CCDC77: variants seen among roughly 807,000 people sequenced by gnomAD.
The protein encoded by CCDC77 is coiled-coil domain-containing protein 77.
In CCDC77, 56 loss-of-function variants were observed where a neutral mutation model predicts 66.8. That is an observed-to-expected ratio of 0.84 (90% CI 0.68 to 1.05). The LOEUF is 1.05. Ranked by LOEUF, CCDC77 falls within the 50% of genes least tolerant of loss-of-function variation. CCDC77 has a pLI of 0.00. For synonymous variants in CCDC77, 196 were observed against 195.2 expected, an observed-to-expected ratio of 1.00 and a Z score of -0.03; for missense variants, 570 against 576.8, an observed-to-expected ratio of 0.99 and a Z score of 0.12.
At position 428,510 on chromosome 12, in the gene CCDC77, C is replaced by CAAAAAAAAAAAAAA. The variant is rs59414510; in HGVS notation, c.414-246_414-233dup. On this transcript the variant is annotated intron_variant, in intron 5 of 12. Coordinates refer to ENST00000239830, the MANE Select transcript of CCDC77 (RefSeq NM_032358.4). ...TGGACAACAGAGCGAGACTCTGTCT[C>CAAAAAAAAAAAAAA]AAAAAAAAAAAAAAAAAAAAAAAAA... Among the ~76,000 whole-genome samples, 19 of 57,882 alleles carry CAAAAAAAAAAAAAA rather than the reference C, an allele frequency of 3.3e-4. 1 individual carries two copies. The highest frequency in any genetic ancestry group is 1.2e-3 in the African/African-American group (17 of 13,736). The allele number at this position is 57,882 out of a possible 152,430, so 38.0% of individuals were successfully genotyped here. A position where few individuals can be genotyped will look rare whatever the true frequency, so the allele number is the denominator to read the frequency against.
At chr12:430,164 T>C (rs1244047709) in intron 6 of CCDC77, among the ~76,000 whole-genome samples, 1 of 152,020 alleles carries the variant, frequency 6.6e-6, no homozygotes, top group Non-Finnish European at 1.5e-5. Flanking sequence ...TGGCTAATTT[T>C]GTATTTTTTA....
At chr12:396,606 G>A (rs1413785286) in intron 1 of CCDC77, among the ~76,000 whole-genome samples, 1 of 152,078 alleles carries the variant, frequency 6.6e-6, no homozygotes, top group Non-Finnish European at 1.5e-5. Flanking sequence ...ACTGAGCAAG[G>A]GACAACTGTA....
At chr12:395,078 TTTG>T (rs1257997169) in intron 1 of CCDC77, 1 of 152,028 alleles carries the variant, frequency 6.6e-6, no homozygotes, top group Non-Finnish European at 1.5e-5. Flanking sequence ...ACATTTGTTT[TTTG>T]TTCTTAGTTT....
At chr12:391,409 C>A (rs779456760) in intron 1 of CCDC77, among the ~76,000 whole-genome samples, 1 of 151,760 alleles carries the variant, frequency 6.6e-6, no homozygotes, top group Non-Finnish European at 1.5e-5. Context: ...AAGCCGAGAT[C>A]GTGCCACTGT....
chr12:398,952 A>G (rs545934332), upstream of CCDC77, among the ~76,000 whole-genome samples: 8 of 151,510 alleles, frequency 5.3e-5, no homozygotes, highest in East Asian at 2.0e-4. Flanking sequence ...AAGGTTTTCT[A>G]TGTTGCCCAG....
chr12:441,741 ATTTC>A (rs1210635374), intron 12 of CCDC77, 29 bp from the exon 13 acceptor site: 1 of 1,517,422 alleles, frequency 6.6e-7, no homozygotes, highest in East Asian at 2.3e-5. Flanking sequence ...TGCCATCATC[ATTTC>A]TTTTTTTTTT....
intron 1 of CCDC77, among the ~76,000 whole-genome samples, chr12:392,982 G>T (rs1276507932): frequency 6.7e-6 from 1 of 149,248 alleles, no homozygotes; most frequent in Non-Finnish European, 1.5e-5. Flanking sequence ...TTAACATTTG[G>T]CTTAGCAGGA....
At position 441,881 on chromosome 12, in the gene CCDC77, G is replaced by T; in HGVS notation, c.1428G>T (p.Ser476=). 6.2e-7 allele frequency: 1 copy of T among 1,613,852 alleles called. No individual in the cohort carries two copies. The highest frequency in any genetic ancestry group is 1.7e-5 in the Admixed American group (1 of 59,978). Reference sequence around the variant, plus strand: ...AAGGAGAACTGAAGAATCTTAAGTCGAAAGTGTTTGGTCTGGAGAATGAAC... The same window carrying T: ...AAGGAGAACTGAAGAATCTTAAGTCTAAAGTGTTTGGTCTGGAGAATGAAC... ...KIQGELKNLK[S]KVFGLENELR... The change falls in exon 13 of 13, where the codon TCG becomes TCT. Residue 476 remains serine, a synonymous_variant. Coordinates refer to ENST00000239830, the MANE Select transcript of CCDC77 (RefSeq NM_032358.4).
intron 9 of CCDC77, 176 bp downstream of exon 9, chr12:433,498 G>A: frequency 7.2e-7 from 1 of 1,394,790 alleles, no homozygotes; most frequent in Non-Finnish European, 9.3e-7. Flanking sequence ...TTCCAGGCGT[G>A]CTGTTGAAGA....
chr12:426,365 A>T (rs1945532619), intron 5 of CCDC77, among the ~76,000 whole-genome samples: 1 of 152,194 alleles, frequency 6.6e-6, no homozygotes, highest in Non-Finnish European at 1.5e-5. Flanking sequence ...AAGGTGCTAC[A>T]TCTGGCACAA....
At chr12:395,401 T>G (rs1177398765) in intron 1 of CCDC77, among the ~76,000 whole-genome samples, 1 of 152,174 alleles carries the variant, frequency 6.6e-6, no homozygotes, top group Non-Finnish European at 1.5e-5. Flanking sequence ...ATTGGTGACA[T>G]TTGAATAGAG....
At chr12:406,835 C>T (rs763395647) in intron 2 of CCDC77, among the ~76,000 whole-genome samples, 5 of 152,160 alleles carry the variant, frequency 3.3e-5, no homozygotes, top group Non-Finnish European at 7.3e-5. Flanking sequence ...TCTTCCCAGC[C>T]ACTCGGGAGG....
intron 9 of CCDC77, among the ~76,000 whole-genome samples, chr12:435,650 T>C (rs1329260168): frequency 6.6e-6 from 1 of 152,248 alleles, no homozygotes; most frequent in Non-Finnish European, 1.5e-5. Context: ...TCCATACTTA[T>C]GCAGGCTATG....
intron 5 of CCDC77, among the ~76,000 whole-genome samples, chr12:428,510 CAAAAAAAAAAAA>C (rs59414510): frequency 1.4e-4 from 8 of 57,884 alleles, no homozygotes; most frequent in South Asian, 9.8e-4. Flanking sequence ...GACTCTGTCT[CAAAAAAAAAAAA>C]AAAAAAAAAA....
intron 5 of CCDC77, among the ~76,000 whole-genome samples, chr12:423,494 G>GTTTTTTT (rs56233976): frequency 3.4e-4 from 12 of 35,420 alleles, no homozygotes; most frequent in South Asian, 1.4e-3. Context: ...TTTTTGTTTT[G>GTTTTTTT]TTTTTTTTTT....
chr12:409,376 A>C lies in CCDC77; in HGVS notation c.-8A>C. 6.2e-7 allele frequency: 1 copy of C among 1,612,588 alleles called. No homozygotes were observed. The highest frequency in any genetic ancestry group is 8.5e-7 in the Non-Finnish European group (1 of 1,179,284). ...TTTTGTGTATTTGATAGGTGTGAAA[A>C]AGACAGCATGAACTTTACCCCAACA... On this transcript the variant is annotated 5_prime_UTR_variant, in exon 3 of 13. Coordinates refer to ENST00000239830, the MANE Select transcript of CCDC77 (RefSeq NM_032358.4).
intron 4 of CCDC77, among the ~76,000 whole-genome samples, chr12:413,815 G>A (rs1005184709): frequency 6.0e-5 from 9 of 150,788 alleles, no homozygotes; most frequent in Non-Finnish European, 1.3e-4. Context: ...TTTAGTAGAG[G>A]CAGGGTTTCA....
chr12:427,479 T>A (rs1048205297), intron 5 of CCDC77, among the ~76,000 whole-genome samples: 5 of 149,050 alleles, frequency 3.4e-5, no homozygotes, highest in East Asian at 2.0e-4. Flanking sequence ...TAATTAATTT[T>A]TTTTTTTTTT....
chr12:427,853 T>A (rs1945564297), intron 5 of CCDC77, among the ~76,000 whole-genome samples: 1 of 152,148 alleles, frequency 6.6e-6, no homozygotes, highest in Non-Finnish European at 1.5e-5. Context: ...GGAAACAGAC[T>A]GTACAGTGGA....
Sources: allele counts gnomAD v4.1 joint callset (sites outside exome capture counted in the v4.1 genomes callset), GRCh38; gene constraint gnomAD v4.1.1; transcripts MANE v1.5; gene names NCBI Gene and HGNC (gene_info 2026-07-23, HGNC 2026-07-21).